MAP4: variants seen among roughly 807,000 people sequenced by gnomAD.
MAP4 encodes the protein microtubule-associated protein 4.
MAP4 carries 76 observed loss-of-function variants against 170.2 expected under a neutral mutation model. The ratio of observed to expected loss-of-function variants is 0.45; its 90% CI spans 0.37 to 0.54. The LOEUF (loss-of-function observed/expected upper bound fraction) is 0.54, where lower values mean the gene tolerates loss of function less well. Among genes scored for constraint, MAP4 ranks in the 20% least tolerant of loss-of-function variants. The pLI is 0.00. For missense variants in MAP4, 2,506 were observed against 2,748.0 expected (o/e 0.91, Z 1.97); for synonymous variants, 909 against 994.5 (o/e 0.91, Z 1.62).
intron 3 of MAP4, chr3:47,975,487 G>A (rs909209383): frequency 1.3e-6 from 2 of 1,530,140 alleles, no homozygotes; most frequent in Non-Finnish European, 1.8e-6. Context: ...AAAATAGAGA[G>A]GGAGGAAGAA....
rs555691222 is a variant in MAP4 at position 48,074,676 on chromosome 3, T to TTGTGTGTGTGTGTGTG, written c.-20+14081_-20+14096dup. 5.0e-3 allele frequency among the ~76,000 whole-genome samples: 452 copies of TTGTGTGTGTGTGTGTG among 90,522 alleles called. 11 individuals are homozygous for TTGTGTGTGTGTGTGTG. Among genetic ancestry groups the TTGTGTGTGTGTGTGTG allele is most frequent in the African/African-American group, 0.017 (357 of 20,412 alleles). The allele number at this position is 90,522 out of a possible 152,430, so 59.4% of individuals were successfully genotyped here. A position where few individuals can be genotyped will look rare whatever the true frequency, so the allele number is the denominator to read the frequency against. On this transcript the variant is annotated intron_variant, in intron 1 of 18. Coordinates refer to the MAP4 transcript ENST00000360240. The stretch of plus-strand genomic sequence containing the variant: ...GGGGCAAGCCACCACATCCAGCTAA[T>TTGTGTGTGTGTGTGTG]TGTGTGTGTGTGTGTGTGTGTGTGT...
chr3:48,028,903 G>A (rs1412056432), intron 1 of MAP4, among the ~76,000 whole-genome samples: 1 of 152,162 alleles, frequency 6.6e-6, no homozygotes, highest in Non-Finnish European at 1.5e-5. Flanking sequence ...AGCATACTGG[G>A]AGGCCGAGGC....
chr3:48,064,259 G>GTT (rs2100137339), intron 1 of MAP4, among the ~76,000 whole-genome samples: 1 of 152,146 alleles, frequency 6.6e-6, no homozygotes, highest in Non-Finnish European at 1.5e-5. Flanking sequence ...CCAAGATCGT[G>GTT]TTTGAGATAT....
At position 47,911,390 on chromosome 3, in the gene MAP4, C is replaced by G; in HGVS notation, c.3031G>C (p.Glu1011Gln). 6.5e-7 allele frequency: 1 copy of G among 1,536,126 alleles called. No homozygotes were observed. Among genetic ancestry groups the G allele is most frequent in the Non-Finnish European group, 8.7e-7 (1 of 1,146,882 alleles). Residue 1011 changes from glutamate (E) to glutamine (Q), a missense_variant, in exon 9 of 21, where the codon GAA (glutamate) becomes CAA (glutamine). Transcript: ENST00000683076. This position sits in a 1 kb window ranked among gnomAD's most constrained non-coding sequence, Gnocchi z 4.0. Reference protein sequence around the residue: ...VKLKEFPEGAEEDKELKKEAF... With the variant: ...VKLKEFPEGAQEDKELKKEAF... ...TCCTTTTTTAGTTCTTTATCCTCTT[C>G]AGCTCCTTCAGGAAACTCCTTCAGT...
intron 2 of MAP4, among the ~76,000 whole-genome samples, chr3:47,995,623 T>A (rs2100095073): frequency 6.6e-6 from 1 of 152,048 alleles, no homozygotes; most frequent in South Asian, 2.1e-4. Context: ...CTGCCCCCCC[T>A]CCCCAACACA....
At chr3:47,995,250 CTTTTTT>C (rs67017707) in intron 2 of MAP4, among the ~76,000 whole-genome samples, 1 of 112,232 alleles carries the variant, frequency 8.9e-6, no homozygotes, top group Non-Finnish European at 1.9e-5. Context: ...TTTTTCTTTT[CTTTTTT>C]TTTTTTTTTT....
intron 1 of MAP4, among the ~76,000 whole-genome samples, chr3:48,015,401 A>G (rs972565467): frequency 6.6e-6 from 1 of 152,228 alleles, no homozygotes; most frequent in African/African-American, 2.4e-5. Flanking sequence ...TAAAGCCAAC[A>G]CTAAGCTGCT....
chr3:48,059,463 C>T (rs943681389), intron 1 of MAP4, among the ~76,000 whole-genome samples: 2 of 133,374 alleles, frequency 1.5e-5, no homozygotes, highest in African/African-American at 3.0e-5. Flanking sequence ...TACAGTGAGC[C>T]GAGATCGTGC....
At chr3:48,067,851 G>A (rs954161804) in intron 1 of MAP4, among the ~76,000 whole-genome samples, 2 of 152,162 alleles carry the variant, frequency 1.3e-5, no homozygotes, top group African/African-American at 4.8e-5. Context: ...TGTTGGCAAG[G>A]CTGGTTTTGA....
chr3:48,036,363 C>A (rs1412688255), intron 1 of MAP4, among the ~76,000 whole-genome samples: 1 of 152,192 alleles, frequency 6.6e-6, no homozygotes, highest in African/African-American at 2.4e-5. Context: ...ACACCACTAC[C>A]GACCTGACCC....
intron 2 of MAP4, among the ~76,000 whole-genome samples, chr3:47,980,371 T>C (rs939673562): frequency 2.6e-5 from 4 of 152,210 alleles, no homozygotes; most frequent in African/African-American, 7.2e-5. Context: ...TTCAGAGATA[T>C]TATTCCTAAG....
At chr3:48,014,585 G>A (rs1301707342) in intron 1 of MAP4, among the ~76,000 whole-genome samples, 1 of 152,140 alleles carries the variant, frequency 6.6e-6, no homozygotes, top group Admixed American at 6.5e-5. Flanking sequence ...ATTGAGCCCA[G>A]GAGGTTGAGG....
At chr3:48,046,865 C>T (rs112902794) in intron 1 of MAP4, among the ~76,000 whole-genome samples, 1,629 of 152,122 alleles carry the variant, frequency 0.011, 29 homozygotes, top group African/African-American at 0.037. Flanking sequence ...GAGGCTGAGG[C>T]GGGTGGATCA....
chr3:47,939,836 T>G (rs531940946), intron 3 of MAP4, among the ~76,000 whole-genome samples: 46 of 152,212 alleles, frequency 3.0e-4, no homozygotes, highest in African/African-American at 3.4e-4. Flanking sequence ...TGTTGTTGTT[T>G]TTTTCATTTT....
chr3:47,931,337 C>A (rs974096457), intron 3 of MAP4, among the ~76,000 whole-genome samples: 1 of 152,130 alleles, frequency 6.6e-6, no homozygotes, highest in Admixed American at 6.5e-5. Flanking sequence ...CCTGTGATCA[C>A]ACTACTGCCT....
chr3:47,870,847 G>A lies in MAP4; in HGVS notation c.6260C>T (p.Thr2087Met), dbSNP rs776010747. Residue 2087 changes from threonine to methionine, a missense_variant, in exon 15 of 21, where the codon ACG (threonine) becomes ATG (methionine). Physicochemically the swap from Thr to Met is moderately conservative, Grantham distance 81. Coordinates refer to ENST00000683076, the MANE Select transcript of MAP4 (RefSeq NM_001385682.1). ...LKNVRSKVGS[T>M]ENIKHQPGGG... ...TCCAGGCTGATGCTTGATGTTTTCC[G>A]TGGAGCCAACCTTGGAGCGGACATT... The A allele has an allele frequency of 2.5e-6, 4 of 1,590,382 alleles. No homozygotes were observed. The highest frequency in any genetic ancestry group is 1.1e-5 in the South Asian group (1 of 87,208).
At chr3:47,918,094 T>A (rs1253707599) in intron 6 of MAP4, among the ~76,000 whole-genome samples, 1 of 152,228 alleles carries the variant, frequency 6.6e-6, no homozygotes, top group African/African-American at 2.4e-5. Flanking sequence ...GTGATTCTCC[T>A]GCCTCAGCCT....
intron 10 of MAP4, among the ~76,000 whole-genome samples, chr3:47,897,766 G>C (rs2100027723): frequency 6.6e-6 from 1 of 151,698 alleles, no homozygotes. Flanking sequence ...GTGAAACCCT[G>C]TCTCCACTAA....
chr3:47,972,328 T>TTTACTACATTTTATTTACTC (rs2100079247), intron 3 of MAP4, among the ~76,000 whole-genome samples: 1 of 152,212 alleles, frequency 6.6e-6, no homozygotes, highest in South Asian at 2.1e-4. Context: ...GTAAATTTTA[T>TTTACTACATTTTATTTACTC]CTGATAATTC....
Sources: allele counts gnomAD v4.1 joint callset (sites outside exome capture counted in the v4.1 genomes callset), GRCh38; gene constraint gnomAD v4.1.1; non-coding constraint Gnocchi (gnomAD v3.1); transcripts MANE v1.5; gene names NCBI Gene and HGNC (gene_info 2026-07-23, HGNC 2026-07-21).